CHST11: variants seen among roughly 807,000 people sequenced by gnomAD.
The protein encoded by CHST11 is carbohydrate sulfotransferase 11.
A neutral mutation model predicts 30.4 loss-of-function variants in CHST11; 9 were observed. That is an observed-to-expected ratio of 0.30 (90% CI 0.18 to 0.52). CHST11 has a LOEUF of 0.52. Ranked by LOEUF, CHST11 falls within the 20% of genes least tolerant of loss-of-function variation. The probability of loss-of-function intolerance (pLI) is 0.97; values close to 1 mark genes in which losing one functional copy is unlikely to be tolerated. For missense variants in CHST11, 348 were observed against 460.6 expected (o/e 0.76, Z 2.24); for synonymous variants, 152 against 187.8 (o/e 0.81, Z 1.56).
chr12:104,748,548 G>T (rs183923133), intron 2 of CHST11, among the ~76,000 whole-genome samples: 77 of 151,842 alleles, frequency 5.1e-4, no homozygotes, highest in Non-Finnish European at 9.4e-4. Flanking sequence ...GGGGCTGGAG[G>T]GGGGAGGGGG....
intron 2 of CHST11, among the ~76,000 whole-genome samples, chr12:104,602,930 A>AC (rs1324941081): frequency 6.6e-6 from 1 of 151,740 alleles, no homozygotes; most frequent in Non-Finnish European, 1.5e-5. Context: ...GATGCCCCCT[A>AC]CCCCCCTTCC....
intron 1 of CHST11, among the ~76,000 whole-genome samples, chr12:104,540,972 G>A (rs1467459514): frequency 1.3e-5 from 2 of 152,164 alleles, no homozygotes; most frequent in African/African-American, 2.4e-5. Context: ...TGTTTTGATA[G>A]CAAAAGCAAA....
At chr12:104,524,570 C>T (rs1044505777) in intron 1 of CHST11, among the ~76,000 whole-genome samples, 1 of 152,074 alleles carries the variant, frequency 6.6e-6, no homozygotes, top group Non-Finnish European at 1.5e-5. Flanking sequence ...CATTTTCCAT[C>T]CCTCCTTCCA....
intron 2 of CHST11, among the ~76,000 whole-genome samples, chr12:104,604,249 G>A (rs150117362): frequency 2.0e-5 from 3 of 152,292 alleles, no homozygotes; most frequent in African/African-American, 7.2e-5. Context: ...GGACTTGGGA[G>A]GGAAACTAGG....
At chr12:104,513,988 T>C in intron 1 of CHST11, 1 of 699,694 alleles carries the variant, frequency 1.4e-6, no homozygotes, top group South Asian at 1.4e-5. Context: ...TGCTGTGGGC[T>C]TAGCAGGGGC....
At chr12:104,528,129 T>C (rs2038146756) in intron 1 of CHST11, among the ~76,000 whole-genome samples, 1 of 152,216 alleles carries the variant, frequency 6.6e-6, no homozygotes, top group South Asian at 2.1e-4. Context: ...CATACAGGTA[T>C]GTCCCAGATG....
At chr12:104,540,308 A>C (rs1476492102) in intron 1 of CHST11, among the ~76,000 whole-genome samples, 1 of 152,196 alleles carries the variant, frequency 6.6e-6, no homozygotes, top group East Asian at 1.9e-4. Context: ...ATATATTTAA[A>C]ATTTTTAAAA....
intron 2 of CHST11, among the ~76,000 whole-genome samples, chr12:104,616,559 G>A (rs1164523521): frequency 1.3e-5 from 2 of 151,514 alleles, no homozygotes; most frequent in Non-Finnish European, 2.9e-5. Flanking sequence ...TCTGCCTCCC[G>A]GGTTCAAGCG....
chr12:104,728,344 T>G (rs2040231783), intron 2 of CHST11, among the ~76,000 whole-genome samples: 1 of 152,096 alleles, frequency 6.6e-6, no homozygotes, highest in Non-Finnish European at 1.5e-5. Context: ...AAACAGAAAT[T>G]TGGATGCGCC....
intron 1 of CHST11, among the ~76,000 whole-genome samples, chr12:104,497,782 C>T (rs149558303): frequency 1.8e-4 from 27 of 152,126 alleles, no homozygotes; most frequent in Non-Finnish European, 3.4e-4. Flanking sequence ...AGAGAGGGGA[C>T]CGGATGGTAA....
intron 2 of CHST11, among the ~76,000 whole-genome samples, chr12:104,619,366 T>C (rs1401078251): frequency 6.6e-6 from 1 of 152,238 alleles, no homozygotes; most frequent in Non-Finnish European, 1.5e-5. Flanking sequence ...GGAACTTTTT[T>C]TTTAATTTTC....
intron 2 of CHST11, among the ~76,000 whole-genome samples, chr12:104,608,585 A>T (rs1306575724): frequency 6.6e-6 from 1 of 152,096 alleles, no homozygotes; most frequent in African/African-American, 2.4e-5. Flanking sequence ...TTTTTCTAAT[A>T]AATCTGCCTT....
At chr12:104,602,131 C>G (rs917799093) in intron 2 of CHST11, 140 bp downstream of exon 2, 1 of 639,298 alleles carries the variant, frequency 1.6e-6, no homozygotes, top group Non-Finnish European at 2.8e-6. Context: ...GTTGCTTTCT[C>G]CGTCACCCTT....
At chr12:104,583,696 G>A (rs985222646) in intron 1 of CHST11, among the ~76,000 whole-genome samples, 4 of 146,218 alleles carry the variant, frequency 2.7e-5, no homozygotes. Context: ...AATGCCTTGT[G>A]CTCTCAGTTT....
At chr12:104,502,717 C>T (rs770906941) in intron 1 of CHST11, among the ~76,000 whole-genome samples, 5 of 152,146 alleles carry the variant, frequency 3.3e-5, no homozygotes, top group Non-Finnish European at 5.9e-5. Context: ...GAGACACCAG[C>T]GTGGGGCATC....
intron 1 of CHST11, among the ~76,000 whole-genome samples, chr12:104,595,641 C>A (rs1566000773): frequency 6.6e-6 from 1 of 152,160 alleles, no homozygotes; most frequent in Non-Finnish European, 1.5e-5. Context: ...GGTGGCAGAG[C>A]CAGGGCTGGG....
chr12:104,658,018 C>T (rs573629093), intron 2 of CHST11, among the ~76,000 whole-genome samples: 1 of 152,274 alleles, frequency 6.6e-6, no homozygotes, highest in South Asian at 2.1e-4. Flanking sequence ...GGTAGTTTTC[C>T]ACTGCAACAG....
chr12:104,732,658 C>T (rs890406631), intron 2 of CHST11, among the ~76,000 whole-genome samples: 3 of 152,316 alleles, frequency 2.0e-5, no homozygotes, highest in Non-Finnish European at 4.4e-5. Context: ...AATGTCCCTC[C>T]TGTCCAAGTG....
intron 2 of CHST11, among the ~76,000 whole-genome samples, chr12:104,667,260 A>G (rs1324946293): frequency 6.6e-6 from 1 of 152,122 alleles, no homozygotes; most frequent in Non-Finnish European, 1.5e-5. Context: ...GCACTTTGGC[A>G]CCACGGAGAC....
Sources: allele counts gnomAD v4.1 joint callset (sites outside exome capture counted in the v4.1 genomes callset), GRCh38; gene constraint gnomAD v4.1.1; transcripts MANE v1.5; gene names NCBI Gene and HGNC (gene_info 2026-07-23, HGNC 2026-07-21).